Variants in STXBP4 observed in about 807,000 individuals in gnomAD.
The protein encoded by STXBP4 is syntaxin-binding protein 4.
STXBP4 carries 55 observed loss-of-function variants against 76.1 expected under a neutral mutation model. That is an observed-to-expected ratio of 0.72 (90% CI 0.58 to 0.91). STXBP4 has a LOEUF of 0.91. Among genes scored for constraint, STXBP4 ranks in the 40% least tolerant of loss-of-function variants. STXBP4 has a pLI of 0.00. For missense variants in STXBP4, 618 were observed against 636.9 expected, an observed-to-expected ratio of 0.97 and a Z score of 0.32; for synonymous variants, 201 against 220.2, an observed-to-expected ratio of 0.91 and a Z score of 0.77.
intron 16 of STXBP4, among the ~76,000 whole-genome samples, chr17:55,097,492 T>C (rs1025850723): frequency 1.3e-5 from 2 of 152,032 alleles, no homozygotes; most frequent in Non-Finnish European, 2.9e-5. Context: ...TGAAACCCCG[T>C]CTCTACTAAA....
At chr17:55,003,298 T>G (rs2144513536) in intron 7 of STXBP4, among the ~76,000 whole-genome samples, 1 of 152,320 alleles carries the variant, frequency 6.6e-6, no homozygotes, top group South Asian at 2.1e-4. Context: ...TGGTAGATTT[T>G]GTAATAGAAA....
At chr17:55,043,491 T>A (rs1176754037) in intron 11 of STXBP4, 166 bp downstream of exon 11, 2 of 877,716 alleles carry the variant, frequency 2.3e-6, no homozygotes, top group Non-Finnish European at 1.7e-6. Flanking sequence ...CTTTAGAGAA[T>A]TAATTTTTGG....
At chr17:55,132,528 A>C (rs968389615) in intron 16 of STXBP4, among the ~76,000 whole-genome samples, 11 of 152,088 alleles carry the variant, frequency 7.2e-5, no homozygotes, top group African/African-American at 2.4e-4. Context: ...TCTTTTTCTA[A>C]AGAACTCTCC....
chr17:55,137,395 A>G (rs1170486900), intron 16 of STXBP4, among the ~76,000 whole-genome samples: 1 of 151,972 alleles, frequency 6.6e-6, no homozygotes, highest in Non-Finnish European at 1.5e-5. Context: ...TTTCAAATAC[A>G]TCTGACTCTG....
At chr17:55,134,462 C>T (rs1392089612) in intron 16 of STXBP4, among the ~76,000 whole-genome samples, 1 of 152,000 alleles carries the variant, frequency 6.6e-6, no homozygotes, top group African/African-American at 2.4e-5. Context: ...ATCAAATTTT[C>T]ATTTGATTTG....
chr17:55,121,565 C>T (rs752352582), intron 16 of STXBP4, among the ~76,000 whole-genome samples: 4 of 152,160 alleles, frequency 2.6e-5, no homozygotes, highest in Non-Finnish European at 5.9e-5. Flanking sequence ...AACCTGGTAA[C>T]CTTAATATCT....
intron 16 of STXBP4, among the ~76,000 whole-genome samples, chr17:55,130,476 A>C (rs1324571625): frequency 6.6e-6 from 1 of 152,246 alleles, no homozygotes; most frequent in Admixed American, 6.5e-5. Flanking sequence ...GGAATGATCA[A>C]ATCAGGCCAA....
At chr17:55,053,566 TGAGGA>T (rs1451986608) in intron 12 of STXBP4, among the ~76,000 whole-genome samples, 3 of 152,154 alleles carry the variant, frequency 2.0e-5, no homozygotes, top group Non-Finnish European at 4.4e-5. Context: ...GTAAAGGATA[TGAGGA>T]TATTCTTTAT....
chr17:54,986,739 T>A (rs1567704177), intron 3 of STXBP4, among the ~76,000 whole-genome samples: 1 of 152,164 alleles, frequency 6.6e-6, no homozygotes, highest in Non-Finnish European at 1.5e-5. Flanking sequence ...ATAATTCCAT[T>A]AAAAAAATTT....
At position 55,047,162 on chromosome 17, in the gene STXBP4, T is replaced by C; in HGVS notation, c.1011+8T>C. The stretch of plus-strand genomic sequence containing the variant: ...CTCCAGAATGTGAAACAAGTAAGTA[T>C]ATGTATTGTGTATATATGTGCTCGT... On this transcript the variant is annotated splice_region_variant and intron_variant, in intron 12 of 17. Coordinates refer to ENST00000376352, the MANE Select transcript of STXBP4 (RefSeq NM_178509.6). 6.4e-7 allele frequency: 1 copy of C among 1,573,608 alleles called. No individual in the cohort carries two copies. Among genetic ancestry groups the C allele is most frequent in the Non-Finnish European group, 8.7e-7 (1 of 1,146,790 alleles).
intron 17 of STXBP4, among the ~76,000 whole-genome samples, chr17:55,142,313 A>G (rs938002172): frequency 1.3e-5 from 2 of 152,222 alleles, no homozygotes; most frequent in African/African-American, 4.8e-5. Context: ...CTAAGAGCCC[A>G]GGGGACTCCT....
Position 55,171,596 on chromosome 17 carries a change from G to C in STXBP4, c.*11685G>C, listed in dbSNP as rs536728242. ...GACCATACCCCATCATGGTATTTTA[G>C]AGTACACCTGAATAAGATACATGGT... On this transcript the variant is annotated 3_prime_UTR_variant, in exon 18 of 18. Transcript: ENST00000376352. The C allele has an allele frequency of 2.0e-5, 3 of 152,268 alleles. No homozygotes were observed. The highest frequency in any genetic ancestry group is 7.2e-5 in the African/African-American group (3 of 41,546). The allele number at this position is 152,268 out of a possible 1,614,324, so 9.4% of individuals were successfully genotyped here.
At position 55,173,402 on chromosome 17, in the gene STXBP4, T is replaced by C. The variant is rs1038214383; in HGVS notation, c.*13491T>C. On this transcript the variant is annotated 3_prime_UTR_variant, in exon 18 of 18. Coordinates refer to ENST00000376352, the MANE Select transcript of STXBP4 (RefSeq NM_178509.6). ...CTGTAGTTTTGCCTTTTCGAGAATA[T>C]CATATAAATAATCATGTATTATGTA... The C allele has an allele frequency of 6.6e-6, 1 of 152,220 alleles. No individual in the cohort carries two copies. The highest frequency in any genetic ancestry group is 1.5e-5 in the Non-Finnish European group (1 of 68,042). The allele number at this position is 152,220 out of a possible 1,614,324, so 9.4% of individuals were successfully genotyped here.
chr17:55,168,193 G>A lies in STXBP4; in HGVS notation c.*8282G>A, dbSNP rs2080386613. ...GCATACATACACACACATACACTTA[G>A]TATATGTGTGTGTGTGTGTGTGTAT... On this transcript the variant is annotated 3_prime_UTR_variant, in exon 18 of 18. Transcript: ENST00000376352. The A allele has an allele frequency of 6.8e-6, 1 of 148,112 alleles. No individual in the cohort carries two copies. The allele number at this position is 148,112 out of a possible 1,614,324, so 9.2% of individuals were successfully genotyped here.
At chr17:55,207,343 A>T in the STXBP4 span, among the ~76,000 whole-genome samples, 3 of 151,990 alleles carry the variant, frequency 2.0e-5, no homozygotes, top group African/African-American at 4.8e-5. Context: ...TCCCCCATAT[A>T]ACCCTCCAGT....
chr17:55,182,441 G>A, the STXBP4 span, among the ~76,000 whole-genome samples: 2 of 152,070 alleles, frequency 1.3e-5, no homozygotes, highest in African/African-American at 4.8e-5. Flanking sequence ...AGAGACTAAA[G>A]GGCATATGAA....
intron 12 of STXBP4, among the ~76,000 whole-genome samples, chr17:55,065,429 T>C (rs1215000421): frequency 1.3e-5 from 2 of 152,300 alleles, no homozygotes; most frequent in African/African-American, 4.8e-5. Flanking sequence ...AAGGAATATA[T>C]TTCTGTTTTA....
At chr17:54,971,491 C>G (rs2077400473) in intron 1 of STXBP4, among the ~76,000 whole-genome samples, 1 of 152,180 alleles carries the variant, frequency 6.6e-6, no homozygotes, top group Non-Finnish European at 1.5e-5. Context: ...ACACCAATCC[C>G]ATGAGATCAG....
intron 16 of STXBP4, among the ~76,000 whole-genome samples, chr17:55,085,419 A>G (rs2079313658): frequency 6.6e-6 from 1 of 152,164 alleles, no homozygotes; most frequent in South Asian, 2.1e-4. Context: ...GGATGGCTCA[A>G]TAATCATTAT....
Sources: gnomAD v4.1 joint callset for allele counts (sites outside exome capture counted in the v4.1 genomes callset) on GRCh38, gnomAD v4.1.1 for gene constraint, MANE v1.5 for transcripts, NCBI Gene and HGNC (gene_info 2026-07-23, HGNC 2026-07-21) for gene names.